TOX: variants seen among roughly 807,000 people sequenced by gnomAD.
TOX encodes thymocyte selection-associated high mobility group box protein TOX.
A neutral mutation model predicts 53.7 loss-of-function variants in TOX; 11 were observed. The observed-to-expected ratio is 0.20, with a 90% confidence interval of 0.13 to 0.34. The LOEUF (loss-of-function observed/expected upper bound fraction) is 0.34. TOX is among the 10% of genes least tolerant of loss of function. The probability of loss-of-function intolerance (pLI) is 1.00; values close to 1 mark genes in which losing one functional copy is unlikely to be tolerated. For synonymous variants in TOX, 225 were observed against 245.3 expected, an observed-to-expected ratio of 0.92 and a Z score of 0.77; for missense variants, 570 against 664.6, an observed-to-expected ratio of 0.86 and a Z score of 1.56.
intron 3 of TOX, among the ~76,000 whole-genome samples, chr8:58,938,419 C>G (rs1414842771): frequency 6.6e-6 from 1 of 152,044 alleles, no homozygotes. Context: ...ACAATGAAAA[C>G]CAAAAAGTGC....
chr8:58,828,718 T>C (rs750712404), intron 5 of TOX, among the ~76,000 whole-genome samples: 17 of 152,146 alleles, frequency 1.1e-4, no homozygotes, highest in Non-Finnish European at 1.9e-4. Context: ...TGATTTATTT[T>C]TTTTTGAGAG....
At chr8:59,095,256 A>G (rs1662791037) in intron 1 of TOX, among the ~76,000 whole-genome samples, 1 of 151,634 alleles carries the variant, frequency 6.6e-6, no homozygotes, top group Non-Finnish European at 1.5e-5. Flanking sequence ...TTTTTTTTCC[A>G]TAGGAATTTC....
At chr8:58,951,567 C>T (rs1397632412) in intron 2 of TOX, among the ~76,000 whole-genome samples, 1 of 152,140 alleles carries the variant, frequency 6.6e-6, no homozygotes, top group Non-Finnish European at 1.5e-5. Flanking sequence ...CCTGGCATCC[C>T]TATTTTCCCC....
At chr8:58,971,817 A>G (rs1813008538) in intron 1 of TOX, among the ~76,000 whole-genome samples, 1 of 152,116 alleles carries the variant, frequency 6.6e-6, no homozygotes. Flanking sequence ...TAGCGTCCAC[A>G]GCAGCTAGGA....
chr8:59,095,303 C>T (rs1173336400), intron 1 of TOX, among the ~76,000 whole-genome samples: 1 of 151,150 alleles, frequency 6.6e-6, no homozygotes, highest in Non-Finnish European at 1.5e-5. Context: ...CACATTAAAA[C>T]AATTTACGAC....
intron 3 of TOX, among the ~76,000 whole-genome samples, chr8:58,935,109 A>G (rs539947424): frequency 5.3e-4 from 80 of 152,294 alleles, no homozygotes; most frequent in African/African-American, 1.9e-3. Context: ...GCCAGTGGAG[A>G]TAAGAAACAG....
chr8:58,926,430 C>T (rs140087667), intron 3 of TOX, among the ~76,000 whole-genome samples: 4 of 152,118 alleles, frequency 2.6e-5, no homozygotes, highest in African/African-American at 4.8e-5. Context: ...CATTCTTGAA[C>T]GGGAATGAAG....
chr8:58,880,748 A>C (rs547352303), intron 3 of TOX, among the ~76,000 whole-genome samples: 1 of 152,236 alleles, frequency 6.6e-6, no homozygotes, highest in South Asian at 2.1e-4. Flanking sequence ...AAGCTTATAA[A>C]TAATGTTTCT....
At chr8:58,816,761 A>T (rs1810185337) in intron 6 of TOX, among the ~76,000 whole-genome samples, 1 of 152,080 alleles carries the variant, frequency 6.6e-6, no homozygotes, top group African/African-American at 2.4e-5. Context: ...TACTTTCCAC[A>T]CTGCAGGGAG....
At chr8:58,812,025 T>C (rs560019971) in intron 7 of TOX, among the ~76,000 whole-genome samples, 1 of 152,290 alleles carries the variant, frequency 6.6e-6, no homozygotes, top group South Asian at 2.1e-4. Context: ...TTTCTCTCTC[T>C]CTGTCTGGTG....
chr8:59,040,939 T>C (rs115115199), intron 1 of TOX, among the ~76,000 whole-genome samples: 201 of 152,278 alleles, frequency 1.3e-3, no homozygotes, highest in African/African-American at 4.6e-3. Context: ...AAAGCCTCCA[T>C]TGGCCCTCAG....
intron 3 of TOX, among the ~76,000 whole-genome samples, chr8:58,890,736 C>T (rs898756739): frequency 6.6e-6 from 1 of 151,938 alleles, no homozygotes; most frequent in Non-Finnish European, 1.5e-5. Context: ...AAACCCTGGA[C>T]GGGATGGATG....
intron 1 of TOX, among the ~76,000 whole-genome samples, chr8:58,979,030 T>C (rs1441993811): frequency 1.3e-5 from 2 of 152,232 alleles, no homozygotes; most frequent in African/African-American, 4.8e-5. Flanking sequence ...TGAGTATTAA[T>C]TGGATTTTTC....
intron 2 of TOX, among the ~76,000 whole-genome samples, chr8:58,955,041 T>C (rs1812687634): frequency 6.6e-6 from 1 of 152,224 alleles, no homozygotes. Context: ...CTGTCCTGGA[T>C]ATATACATGC....
intron 3 of TOX, among the ~76,000 whole-genome samples, chr8:58,853,298 T>C (rs1810857772): frequency 6.6e-6 from 1 of 152,174 alleles, no homozygotes; most frequent in Non-Finnish European, 1.5e-5. Flanking sequence ...TTATCCAAAC[T>C]GTATTCCTCC....
rs1048804225 is a variant in TOX at position 58,912,121 on chromosome 8, T to C, written c.411+27181A>G. Reference sequence around the variant, plus strand: ...GACTTTGGTTTTATTGTAATTCCTCTGGTTATAGAACTTTATCCTATTATC... The same window carrying C: ...GACTTTGGTTTTATTGTAATTCCTCCGGTTATAGAACTTTATCCTATTATC... On this transcript the variant is annotated intron_variant, in intron 3 of 8. Coordinates refer to ENST00000361421, the MANE Select transcript of TOX (RefSeq NM_014729.3). Among the ~76,000 whole-genome samples the C allele has an allele frequency of 3.2e-4, 49 of 152,260 alleles. 1 individual carries two copies. The highest frequency in any genetic ancestry group is 5.9e-5 in the Non-Finnish European group (4 of 68,038).
At chr8:59,115,745 T>C (rs533173573) in intron 1 of TOX, among the ~76,000 whole-genome samples, 1 of 152,290 alleles carries the variant, frequency 6.6e-6, no homozygotes, top group South Asian at 2.1e-4. Context: ...ATGCCATCCG[T>C]TCTGGCTGTT....
intron 1 of TOX, among the ~76,000 whole-genome samples, chr8:59,014,715 T>C (rs1422095968): frequency 6.6e-6 from 1 of 152,208 alleles, no homozygotes; most frequent in Admixed American, 6.5e-5. Context: ...CACTACTGTA[T>C]TTATTTTTAG....
rs957592842 is a variant in TOX, at chr8:58,824,729, C to T, written c.1005+2093G>A. On this transcript the variant is annotated intron_variant, in intron 6 of 8. Transcript: ENST00000361421. Reference sequence around the variant, plus strand: ...ATTTATTAGTTTATGTTTTCACTAACGATTTCCCTTGACGAAAGAGAAAGT... The same window carrying T: ...ATTTATTAGTTTATGTTTTCACTAATGATTTCCCTTGACGAAAGAGAAAGT... 3.3e-5 allele frequency among the ~76,000 whole-genome samples: 5 copies of T among 152,194 alleles called. No individual in the cohort carries two copies. In the East Asian group the frequency reaches 7.7e-4, roughly 23 times the overall value.
Sources: allele counts gnomAD v4.1 joint callset (sites outside exome capture counted in the v4.1 genomes callset), GRCh38; gene constraint gnomAD v4.1.1; transcripts MANE v1.5; gene names NCBI Gene and HGNC (gene_info 2026-07-23, HGNC 2026-07-21).